TRPM1: variants seen among roughly 807,000 people sequenced by gnomAD.
TRPM1 encodes the protein TRPM1-203 APA Isoform, Intron 10.
In TRPM1, 113 loss-of-function variants were observed where a neutral mutation model predicts 149.4. The observed-to-expected ratio is 0.76, with a 90% confidence interval of 0.65 to 0.88. The LOEUF is 0.88. Among genes scored for constraint, TRPM1 ranks in the 40% least tolerant of loss-of-function variants. TRPM1 has a pLI of 0.00. For missense variants in TRPM1, 1,976 were observed against 2,038.7 expected (o/e 0.97, Z 0.59); for synonymous variants, 741 against 759.5 (o/e 0.98, Z 0.40).
In TRPM1 at chr15:31,065,331, T is replaced by C. The variant is rs562274360; in HGVS notation, c.790+745A>G. On this transcript the variant is annotated intron_variant, in intron 7 of 27. Transcript: ENST00000256552. Reference sequence around the variant, plus strand: ...ATACATGATGATTCCCAATGACCATTCGCCAGGACTAGATGGTCTCCCACA... The same window carrying C: ...ATACATGATGATTCCCAATGACCATCCGCCAGGACTAGATGGTCTCCCACA... Among the ~76,000 whole-genome samples the C allele has an allele frequency of 4.6e-5, 7 of 152,286 alleles. No homozygotes were observed. The East Asian group carries it at 1.3e-3, about 29-fold the overall frequency.
rs552428349 is a variant in TRPM1, at chr15:31,044,554, C to T, written c.1794+1650G>A. Among the ~76,000 whole-genome samples, 3 of 152,138 alleles carry T rather than the reference C, an allele frequency of 2.0e-5. No individual in the cohort carries two copies. In the South Asian group the frequency reaches 6.2e-4, roughly 32 times the overall value. ...TTGGGAGGCCAAGATGGGTGGATCA[C>T]CTGAGAATCTGAGATCAGAAGTTTG... is the stretch of plus-strand genomic sequence containing the variant. On this transcript the variant is annotated intron_variant, in intron 16 of 27. Coordinates refer to ENST00000256552, the MANE Select transcript of TRPM1 (RefSeq NM_001252024.2).
At chr15:31,035,181 T>C (rs1416957601) in intron 21 of TRPM1, among the ~76,000 whole-genome samples, 1 of 152,196 alleles carries the variant, frequency 6.6e-6, no homozygotes, top group African/African-American at 2.4e-5. Context: ...TTTTTGTATT[T>C]TTAGTTGAGA....
At chr15:31,149,505 G>C (rs1456839388) in intron 1 of TRPM1, among the ~76,000 whole-genome samples, 1 of 150,510 alleles carries the variant, frequency 6.6e-6, no homozygotes, top group Non-Finnish European at 1.5e-5. Context: ...GCTATAGCTC[G>C]TCATGTGCAT....
At chr15:31,157,276 G>T (rs1466193029) in intron 1 of TRPM1, among the ~76,000 whole-genome samples, 4 of 152,076 alleles carry the variant, frequency 2.6e-5, no homozygotes, top group African/African-American at 9.7e-5. Flanking sequence ...CAGGTGGCTT[G>T]GTTCATTTGT....
upstream of TRPM1, among the ~76,000 whole-genome samples, chr15:31,102,668 T>C (rs1567056845): frequency 6.6e-6 from 1 of 152,228 alleles, no homozygotes; most frequent in Admixed American, 6.5e-5. Flanking sequence ...ACCCAATGCC[T>C]GGCAGACAGC....
At chr15:31,088,263 G>A (rs2035058927) in intron 1 of TRPM1, among the ~76,000 whole-genome samples, 1 of 152,242 alleles carries the variant, frequency 6.6e-6, no homozygotes, top group Non-Finnish European at 1.5e-5. Flanking sequence ...TCAGCAGGAT[G>A]TGGGTGGGGC....
At chr15:31,056,635 T>C (rs1451006032) in intron 11 of TRPM1, among the ~76,000 whole-genome samples, 1 of 152,214 alleles carries the variant, frequency 6.6e-6, no homozygotes, top group Non-Finnish European at 1.5e-5. Context: ...TGCTGAGAGA[T>C]GGGACCTTTA....
At chr15:31,096,960 C>T (rs369220461) in intron 1 of TRPM1, among the ~76,000 whole-genome samples, 178 of 152,266 alleles carry the variant, frequency 1.2e-3, no homozygotes, top group African/African-American at 4.0e-3. Context: ...GGGTGAAACC[C>T]TAGGCATTCA....
At chr15:31,110,734 C>T (rs541383746) in intron 1 of TRPM1, among the ~76,000 whole-genome samples, 1 of 152,146 alleles carries the variant, frequency 6.6e-6, no homozygotes, top group Non-Finnish European at 1.5e-5. Flanking sequence ...AGGGCACAGG[C>T]CTGTGAGGAC....
At chr15:31,060,016 A>G (rs560307199) in intron 11 of TRPM1, among the ~76,000 whole-genome samples, 69 of 151,948 alleles carry the variant, frequency 4.5e-4, no homozygotes, top group Non-Finnish European at 9.4e-4. Flanking sequence ...ACCCACATAC[A>G]CACTATACCA....
chr15:31,031,065 C>T lies in TRPM1; in HGVS notation c.3045G>A (p.Lys1015=). ...ARQAILHPEE[K]PSWKLARNIF... ...TGTTTCGGGCCAGTTTCCAAGAGGG[C>T]TTCTCCTCTGGATGCAGAATGGCTT... Residue 1015 remains lysine, a synonymous_variant, in exon 23 of 28, where the codon AAG becomes AAA. Coordinates refer to ENST00000256552, the MANE Select transcript of TRPM1 (RefSeq NM_001252024.2). 6.2e-7 allele frequency: 1 copy of T among 1,614,142 alleles called. No individual in the cohort carries two copies. The highest frequency in any genetic ancestry group is 8.5e-7 in the Non-Finnish European group (1 of 1,180,016).
upstream of TRPM1, among the ~76,000 whole-genome samples, chr15:31,105,050 T>G (rs1020838427): frequency 2.0e-5 from 3 of 152,228 alleles, no homozygotes; most frequent in Non-Finnish European, 4.4e-5. Flanking sequence ...TGGAATTGGT[T>G]GCTTCCTTGG....
intron 2 of TRPM1, 45 bp from the exon 3 acceptor site, chr15:31,077,029 G>C (rs745561089): frequency 3.9e-6 from 5 of 1,275,700 alleles, no homozygotes; most frequent in South Asian, 1.2e-5. Flanking sequence ...ACATTCCCAA[G>C]CCATCATCAG....
intron 8 of TRPM1, 28 bp downstream of exon 8, chr15:31,063,090 G>C (rs765198354): frequency 6.2e-7 from 1 of 1,613,690 alleles, no homozygotes; most frequent in Non-Finnish European, 8.5e-7. Flanking sequence ...TTACGAACCC[G>C]CCCTTCCTCG....
intron 20 of TRPM1, among the ~76,000 whole-genome samples, chr15:31,036,655 C>A (rs547405758): frequency 9.8e-5 from 15 of 152,352 alleles, no homozygotes; most frequent in South Asian, 6.2e-4. Flanking sequence ...GGCTGAGAGG[C>A]CTCGATGGCT....
intron 27 of TRPM1, among the ~76,000 whole-genome samples, chr15:31,007,858 A>G (rs1227307253): frequency 1.3e-5 from 2 of 152,220 alleles, no homozygotes; most frequent in South Asian, 4.1e-4. Context: ...GATTTCTTTC[A>G]TCAGCACTTT....
At chr15:31,100,071 T>G (rs891439445) in intron 1 of TRPM1, among the ~76,000 whole-genome samples, 1 of 151,428 alleles carries the variant, frequency 6.6e-6, no homozygotes, top group Non-Finnish European at 1.5e-5. Context: ...TTCTTTCTTC[T>G]TTCTTTCTTT....
Position 31,027,084 on chromosome 15 carries a change from G to A in TRPM1, c.3327C>T (p.Asn1109=). Residue 1109 remains asparagine (N), a synonymous_variant, in exon 26 of 28, where the codon AAC becomes AAT. Transcript: ENST00000256552. ...GATATCGCTGGAACTTCCACACCTG[G>A]TTGGATATTGATTTTACTTCAAAGA... ...NTFFEVKSIS[N]QVWKFQRYQL... is the part of the protein sequence containing the mutation. 1 of 1,614,124 alleles carries A rather than the reference G, an allele frequency of 6.2e-7. No homozygotes were observed. Among genetic ancestry groups the A allele is most frequent in the Non-Finnish European group, 8.5e-7 (1 of 1,180,016 alleles).
At chr15:31,033,567 C>T (rs2033194761) in intron 21 of TRPM1, among the ~76,000 whole-genome samples, 1 of 152,178 alleles carries the variant, frequency 6.6e-6, no homozygotes, top group Non-Finnish European at 1.5e-5. Flanking sequence ...TCTGTGGTAC[C>T]ACACTGGGAT....
Sources: allele counts gnomAD v4.1 joint callset (sites outside exome capture counted in the v4.1 genomes callset), GRCh38; gene constraint gnomAD v4.1.1; transcripts MANE v1.5; gene names NCBI Gene and HGNC (gene_info 2026-07-23, HGNC 2026-07-21).